The following PDE7A variants were observed in gnomAD, a reference collection of about 807,000 sequenced individuals.
PDE7A encodes phosphodiesterase 7A.
A neutral mutation model predicts 64.3 loss-of-function variants in PDE7A; 39 were observed. The observed-to-expected ratio is 0.61, with a 90% CI of 0.47 to 0.79. PDE7A has a LOEUF of 0.79. PDE7A is among the 30% of genes least tolerant of loss of function. The pLI, the probability that PDE7A is intolerant of heterozygous loss-of-function variation, is 0.00. For synonymous variants in PDE7A, 203 were observed against 206.8 expected (o/e 0.98, Z 0.16); for missense variants, 470 against 582.8 (o/e 0.81, Z 1.99).
intron 3 of PDE7A, among the ~76,000 whole-genome samples, chr8:65,758,430 T>TA (rs1169637796): frequency 6.6e-6 from 1 of 152,212 alleles, no homozygotes; most frequent in African/African-American, 2.4e-5. Flanking sequence ...ACAGTTGTTA[T>TA]ACTAGTGCAC....
chr8:65,791,540 C>T lies in PDE7A; in HGVS notation c.139-8697G>A, dbSNP rs192561981. ...AACTTGCACTGTGTTTGCAAGTGCC[C>T]TGAGAAACCTCCGATTCTCAGCAGG... On this transcript the variant is annotated intron_variant, in intron 1 of 12. Transcript: ENST00000401827. 6.6e-5 allele frequency among the ~76,000 whole-genome samples: 10 copies of T among 152,318 alleles called. No individual in the cohort carries two copies. The East Asian group carries it at 1.9e-3, about 29-fold the overall frequency.
chr8:65,747,594 A>C, intron 4 of PDE7A, 58 bp downstream of exon 4: 1 of 1,047,150 alleles, frequency 9.5e-7, no homozygotes, highest in Non-Finnish European at 1.4e-6. Context: ...TATGGGGAAT[A>C]AAGGCCTTCA....
chr8:65,747,905 C>T (rs1010525844), intron 3 of PDE7A, 102 bp from the exon 4 acceptor site: 1 of 575,474 alleles, frequency 1.7e-6, no homozygotes, highest in Non-Finnish European at 2.9e-6. Flanking sequence ...TTTAAAAATT[C>T]ATTTAAATAA....
At chr8:65,745,594 C>A in intron 4 of PDE7A, 124 bp from the exon 5 acceptor site, 1 of 606,194 alleles carries the variant, frequency 1.6e-6, no homozygotes. Context: ...ATACAAGTAT[C>A]ATTTTTCTTT....
chr8:65,780,314 A>T (rs1809378219), intron 2 of PDE7A, among the ~76,000 whole-genome samples: 1 of 152,208 alleles, frequency 6.6e-6, no homozygotes, highest in African/African-American at 2.4e-5. Context: ...CTTATTTTTA[A>T]GCAGTTTACA....
chr8:65,824,811 C>A lies in PDE7A; in HGVS notation c.138+16560G>T, dbSNP rs376453886. On this transcript the variant is annotated intron_variant, in intron 1 of 12. Transcript: ENST00000401827. ...AGACTACAGTACAGCGCAAACATAACTTTTATATGCATGGGGAAACCAAAA... is the reference window on the plus strand; with the variant it reads ...AGACTACAGTACAGCGCAAACATAAATTTTATATGCATGGGGAAACCAAAA... 4.6e-5 allele frequency among the ~76,000 whole-genome samples: 7 copies of A among 152,184 alleles called. No individual in the cohort carries two copies. The South Asian group carries it at 6.2e-4, about 13-fold the overall frequency.
In PDE7A at chr8:65,740,525, C is replaced by T. The variant is rs527614969; in HGVS notation, c.500-928G>A. Among the ~76,000 whole-genome samples the T allele has an allele frequency of 7.2e-5, 11 of 152,182 alleles. No individual in the cohort carries two copies. The South Asian group carries it at 1.9e-3, about 26-fold the overall frequency. ...AAGCGATTCTCCTGCCTCAGCCTCC[C>T]GAGTAGCAGGGAGTACAGGCACCCG... On this transcript the variant is annotated intron_variant, in intron 5 of 12. Coordinates refer to ENST00000401827, the MANE Select transcript of PDE7A (RefSeq NM_001242318.3).
At chr8:65,768,561 T>C (rs1264600299) in intron 3 of PDE7A, among the ~76,000 whole-genome samples, 1 of 152,230 alleles carries the variant, frequency 6.6e-6, no homozygotes, top group Non-Finnish European at 1.5e-5. Context: ...AATAAACCTC[T>C]TTCTTTTGTA....
At chr8:65,738,530 T>C (rs1266394686) in intron 6 of PDE7A, among the ~76,000 whole-genome samples, 3 of 151,920 alleles carry the variant, frequency 2.0e-5, no homozygotes, top group Non-Finnish European at 2.9e-5. Flanking sequence ...AAGACTAGAG[T>C]TGATATCTTG....
chr8:65,830,047 T>G (rs1039129537), intron 1 of PDE7A, among the ~76,000 whole-genome samples: 5 of 152,000 alleles, frequency 3.3e-5, no homozygotes, highest in Admixed American at 2.0e-4. Flanking sequence ...TTCCTTTACT[T>G]CCACTTCCTC....
At position 65,730,241 on chromosome 8, in the gene PDE7A, C is replaced by T. The variant is rs572105001; in HGVS notation, c.697-2940G>A. On this transcript the variant is annotated intron_variant, in intron 7 of 12. Coordinates refer to ENST00000401827, the MANE Select transcript of PDE7A (RefSeq NM_001242318.3). ...TGTTGCCCAGGCTGCAGAGTAATGG[C>T]GCAATCACGGCTCACCGAAACCTCC... is the stretch of plus-strand genomic sequence containing the variant. Among the ~76,000 whole-genome samples, 38 of 122,168 alleles carry T rather than the reference C, an allele frequency of 3.1e-4. No homozygotes were observed. The South Asian group carries it at 3.9e-3, about 13-fold the overall frequency. 80.1% of individuals were successfully genotyped at this position (122,168 alleles called of 152,430 possible).
intron 1 of PDE7A, among the ~76,000 whole-genome samples, chr8:65,803,396 T>C (rs1186801718): frequency 2.0e-5 from 3 of 152,186 alleles, no homozygotes; most frequent in Admixed American, 1.3e-4. Flanking sequence ...TGCTCCCCTT[T>C]TCAAGTTCTG....
At chr8:65,826,026 T>C (rs879338426) in intron 1 of PDE7A, among the ~76,000 whole-genome samples, 9 of 152,084 alleles carry the variant, frequency 5.9e-5, no homozygotes, top group Admixed American at 6.6e-5. Context: ...GACACTTGAA[T>C]GACATGGAGC....
chr8:65,774,738 C>T (rs989058137), intron 3 of PDE7A, among the ~76,000 whole-genome samples: 1 of 150,750 alleles, frequency 6.6e-6, no homozygotes, highest in African/African-American at 2.4e-5. Context: ...TACTATAAAC[C>T]CATAACATGT....
chr8:65,730,171 C>CTTCTTTTTTTTTTTTT lies in PDE7A; in HGVS notation c.697-2871_697-2870insAAAAAAAAAAAAAGAA, dbSNP rs1295965698. Among the ~76,000 whole-genome samples the CTTCTTTTTTTTTTTTT allele has an allele frequency of 2.0e-3, 172 of 86,446 alleles. 31 individuals are homozygous for CTTCTTTTTTTTTTTTT. The highest frequency in any genetic ancestry group is 7.6e-3 in the African/African-American group (159 of 20,938). The allele number at this position is 86,446 out of a possible 152,430, so 56.7% of individuals were successfully genotyped here. A position where few individuals can be genotyped will look rare whatever the true frequency, so the allele number is the denominator to read the frequency against. ...TGTGAGGGATCCAGGTTGCGCACTT[C>CTTCTTTTTTTTTTTTT]TTTTTTTTTTTTTTTTTTTTTTTTT... is the stretch of plus-strand genomic sequence containing the variant. On this transcript the variant is annotated intron_variant, in intron 7 of 12. Coordinates refer to ENST00000401827, the MANE Select transcript of PDE7A (RefSeq NM_001242318.3).
chr8:65,754,055 T>C (rs185522419), intron 3 of PDE7A, among the ~76,000 whole-genome samples: 7 of 152,186 alleles, frequency 4.6e-5, no homozygotes, highest in Admixed American at 3.9e-4. Flanking sequence ...GGTCCCACAA[T>C]AGGGCATCTG....
intron 5 of PDE7A, among the ~76,000 whole-genome samples, chr8:65,741,299 T>C (rs1319600960): frequency 1.3e-5 from 2 of 152,184 alleles, no homozygotes; most frequent in African/African-American, 4.8e-5. Flanking sequence ...GATTCTAGTA[T>C]TCTCTCGTCT....
At chr8:65,790,401 G>A (rs1373241056) in intron 1 of PDE7A, among the ~76,000 whole-genome samples, 4 of 152,194 alleles carry the variant, frequency 2.6e-5, no homozygotes, top group Non-Finnish European at 5.9e-5. Flanking sequence ...CCCAGAGAAA[G>A]GTGAAGATGG....
chr8:65,826,988 C>T (rs1024600772), intron 1 of PDE7A, among the ~76,000 whole-genome samples: 2 of 152,138 alleles, frequency 1.3e-5, no homozygotes, highest in Non-Finnish European at 2.9e-5. Flanking sequence ...TCTGGGACTC[C>T]AGAGATACCA....
Sources: allele counts gnomAD v4.1 joint callset (sites outside exome capture counted in the v4.1 genomes callset), GRCh38; gene constraint gnomAD v4.1.1; transcripts MANE v1.5; gene names NCBI Gene and HGNC (gene_info 2026-07-23, HGNC 2026-07-21).